The following KCNN2 variants were observed in gnomAD, a reference collection of about 807,000 sequenced individuals.
The protein encoded by KCNN2 is small conductance calcium-activated potassium channel protein 2.
Under a neutral mutation model 55.5 loss-of-function variants are expected in KCNN2, and 24 were observed. The observed-to-expected ratio is 0.43, with a 90% CI of 0.31 to 0.61. The LOEUF is 0.61. KCNN2 is among the 20% of genes least tolerant of loss of function. KCNN2 has a pLI of 0.08. For synonymous variants in KCNN2, 431 were observed against 336.1 expected (o/e 1.28, Z -3.09); for missense variants, 754 against 853.6 (o/e 0.88, Z 1.45).
rs77163610 is a variant in KCNN2, at chr5:114,456,820, A to G, written c.1638-6229A>G. On this transcript the variant is annotated intron_variant, in intron 3 of 7. Transcript: ENST00000673685. Reference sequence around the variant, plus strand: ...TGGAAATAGCAAGATAACTAGAAATATTAATAGAAGTAGAGCCTGAATAAG... The same window carrying G: ...TGGAAATAGCAAGATAACTAGAAATGTTAATAGAAGTAGAGCCTGAATAAG... 5.0e-3 allele frequency among the ~76,000 whole-genome samples: 764 copies of G among 152,326 alleles called. 33 individuals are homozygous for G. In the East Asian group the frequency reaches 0.11, roughly 21 times the overall value.
At chr5:114,321,408 A>T (rs1359687766) in intron 2 of KCNN2, among the ~76,000 whole-genome samples, 1 of 152,094 alleles carries the variant, frequency 6.6e-6, no homozygotes, top group East Asian at 1.9e-4. Context: ...AAGCTCAGGA[A>T]CTGTGGTGCA....
intron 2 of KCNN2, among the ~76,000 whole-genome samples, chr5:114,332,057 A>C (rs1756833021): frequency 1.3e-5 from 2 of 152,236 alleles, no homozygotes; most frequent in Admixed American, 6.5e-5. Context: ...ATTATTTGAG[A>C]CTTCAGAAAA....
rs922513293 is a variant in KCNN2 at position 114,481,882 on chromosome 5, C to G, written c.1891-5168C>G. On this transcript the variant is annotated intron_variant, in intron 5 of 7. Transcript: ENST00000673685. ...TTCCTTACAGCTTATACAAAATTAACCAAGGTGTATTAAAGACTTAAATGT... is the reference window on the plus strand; with the variant it reads ...TTCCTTACAGCTTATACAAAATTAAGCAAGGTGTATTAAAGACTTAAATGT... Among the ~76,000 whole-genome samples, 3 of 151,942 alleles carry G rather than the reference C, an allele frequency of 2.0e-5. No homozygotes were observed. The East Asian group carries it at 5.8e-4, about 29-fold the overall frequency.
At chr5:114,095,097 A>G (rs1751229017) in intron 1 of KCNN2, among the ~76,000 whole-genome samples, 1 of 151,922 alleles carries the variant, frequency 6.6e-6, no homozygotes, top group Non-Finnish European at 1.5e-5. Context: ...CTTTTCTCTA[A>G]CCACATCTGT....
At chr5:114,435,111 CCACCCCT>C (rs964686416) in intron 3 of KCNN2, among the ~76,000 whole-genome samples, 3 of 152,160 alleles carry the variant, frequency 2.0e-5, no homozygotes, top group Admixed American at 6.5e-5. Context: ...CCGTCACTCC[CCACCCCT>C]CACCCCTCAC....
At chr5:114,071,805 A>G (rs1346251200) in intron 1 of KCNN2, among the ~76,000 whole-genome samples, 1 of 152,186 alleles carries the variant, frequency 6.6e-6, no homozygotes. Flanking sequence ...ATTCACACTG[A>G]TAAGGGACCA....
intron 1 of KCNN2, among the ~76,000 whole-genome samples, chr5:114,131,605 T>G (rs1343415274): frequency 1.3e-5 from 2 of 152,228 alleles, no homozygotes; most frequent in Admixed American, 1.3e-4. Flanking sequence ...CATGCATATA[T>G]CATCATAATA....
chr5:114,473,004 C>T (rs773286986), intron 4 of KCNN2, 50 bp from the exon 5 acceptor site: 2 of 1,095,846 alleles, frequency 1.8e-6, no homozygotes, highest in Non-Finnish European at 2.7e-6. Flanking sequence ...GTGTCTGAGA[C>T]AGAAAGTAGT....
intron 1 of KCNN2, among the ~76,000 whole-genome samples, chr5:114,158,512 T>G (rs1752691053): frequency 6.6e-6 from 1 of 152,074 alleles, no homozygotes; most frequent in African/African-American, 2.4e-5. Flanking sequence ...ATATGAAGTT[T>G]AAAGTAGTTT....
intron 3 of KCNN2, among the ~76,000 whole-genome samples, chr5:114,417,669 A>G (rs1759348639): frequency 6.6e-6 from 1 of 152,146 alleles, no homozygotes; most frequent in African/African-American, 2.4e-5. Context: ...GTGGTCAGGA[A>G]AAGAACCAGG....
intron 1 of KCNN2, among the ~76,000 whole-genome samples, chr5:114,080,223 G>A (rs1750780256): frequency 6.6e-6 from 1 of 152,196 alleles, no homozygotes; most frequent in South Asian, 2.1e-4. Flanking sequence ...ACTAGAATGA[G>A]AAAGCAACTT....
intron 3 of KCNN2, among the ~76,000 whole-genome samples, chr5:114,457,744 G>A (rs192970655): frequency 3.7e-4 from 57 of 152,174 alleles, no homozygotes; most frequent in African/African-American, 1.3e-3. Flanking sequence ...TTCCAGCTCT[G>A]TCCTTCAACA....
intron 1 of KCNN2, among the ~76,000 whole-genome samples, chr5:114,144,973 G>A (rs1291816699): frequency 1.1e-4 from 17 of 152,138 alleles, no homozygotes; most frequent in Non-Finnish European, 1.3e-4. Flanking sequence ...TCAATCTGTT[G>A]TCTTAGTTTT....
intron 2 of KCNN2, among the ~76,000 whole-genome samples, chr5:114,275,782 C>G (rs922887647): frequency 6.6e-6 from 1 of 152,028 alleles, no homozygotes; most frequent in Non-Finnish European, 1.5e-5. Context: ...AAAACCAGCT[C>G]CTGGATTCAT....
intron 3 of KCNN2, among the ~76,000 whole-genome samples, chr5:114,430,849 T>G (rs338622): frequency 1.3e-5 from 2 of 151,918 alleles, no homozygotes; most frequent in Admixed American, 6.6e-5. Flanking sequence ...TCTATTGATA[T>G]GATTATGTAA....
chr5:114,062,100 C>CTTTT (rs35235217), intron 1 of KCNN2, among the ~76,000 whole-genome samples: 2 of 143,352 alleles, frequency 1.4e-5, no homozygotes, highest in Non-Finnish European at 3.1e-5. Flanking sequence ...TATATGGGTT[C>CTTTT]TTTTTTTTTT....
rs188978409 is a variant in KCNN2 at position 114,069,078 on chromosome 5, G to A, written c.-271+12578G>A. Among the ~76,000 whole-genome samples the A allele has an allele frequency of 3.0e-4, 45 of 152,268 alleles. No homozygotes were observed. In the East Asian group the frequency reaches 8.1e-3, roughly 28 times the overall value. ...GATCTGCCAGCCTCGGCCTCCCAAT[G>A]TGCTGGGATTACAGGCGTGAGCCAC... On this transcript the variant is annotated intron_variant, in intron 1 of 10. Transcript: ENST00000512097.
At chr5:114,359,343 T>C (rs1031063882), upstream of KCNN2, among the ~76,000 whole-genome samples, 2 of 152,196 alleles carry the variant, frequency 1.3e-5, no homozygotes, top group African/African-American at 2.4e-5. Flanking sequence ...CCATGCAACA[T>C]TGCCATAAAT....
intron 2 of KCNN2, among the ~76,000 whole-genome samples, chr5:114,282,595 G>C (rs1755645775): frequency 2.0e-5 from 3 of 152,094 alleles, no homozygotes; most frequent in South Asian, 2.1e-4. Context: ...AGATTTATGT[G>C]CATCTGTGAT....
Sources: gnomAD v4.1 joint callset for allele counts (sites outside exome capture counted in the v4.1 genomes callset) on GRCh38, gnomAD v4.1.1 for gene constraint, MANE v1.5 for transcripts, NCBI Gene and HGNC (gene_info 2026-07-23, HGNC 2026-07-21) for gene names.